The following TTC7B variants were observed in gnomAD, a reference collection of about 807,000 sequenced individuals.
TTC7B encodes the protein tetratricopeptide repeat domain 7B.
A neutral mutation model predicts 106.8 loss-of-function variants in TTC7B; 28 were observed. The ratio of observed to expected loss-of-function variants is 0.26; its 90% CI spans 0.19 to 0.36. The LOEUF is 0.36. Ranked by LOEUF, TTC7B falls within the 10% of genes least tolerant of loss-of-function variation. The pLI is 1.00. For missense variants in TTC7B, 862 were observed against 1,076.4 expected (o/e 0.80, Z 2.79); for synonymous variants, 405 against 430.6 (o/e 0.94, Z 0.74).
chr14:90,584,906 A>G (rs1183925261), intron 18 of TTC7B, among the ~76,000 whole-genome samples: 1 of 152,162 alleles, frequency 6.6e-6, no homozygotes, highest in Non-Finnish European at 1.5e-5. Context: ...AGGGCCAAGC[A>G]GAAAGGGATC....
chr14:90,553,308 C>G (rs1890166741), intron 19 of TTC7B, among the ~76,000 whole-genome samples: 1 of 152,234 alleles, frequency 6.6e-6, no homozygotes, highest in South Asian at 2.1e-4. Flanking sequence ...TTAGGCCTTT[C>G]CAGCATTGAA....
intron 18 of TTC7B, among the ~76,000 whole-genome samples, chr14:90,584,296 C>T (rs1394977602): frequency 2.0e-5 from 3 of 152,250 alleles, no homozygotes; most frequent in African/African-American, 2.4e-5. Context: ...CAGAACCTCA[C>T]GCAGGTCTAG....
At chr14:90,814,508 C>T (rs2031069112) in intron 1 of TTC7B, among the ~76,000 whole-genome samples, 1 of 152,128 alleles carries the variant, frequency 6.6e-6, no homozygotes, top group African/African-American at 2.4e-5. Context: ...GTGACTGGCA[C>T]AGGTGGGCAC....
At position 90,730,074 on chromosome 14, in the gene TTC7B, C is replaced by A; in HGVS notation, c.698+1G>T. ...GATTTAAAAAAATGAAGATGGCTTACCCATTTTTGAAATAGAGGACATGGG... is the reference window on the plus strand; with the variant it reads ...GATTTAAAAAAATGAAGATGGCTTAACCATTTTTGAAATAGAGGACATGGG... On this transcript the variant is annotated splice_donor_variant, in intron 5 of 19. Coordinates refer to ENST00000328459, the MANE Select transcript of TTC7B (RefSeq NM_001010854.2). LOFTEE classifies it high-confidence loss of function. 1 of 1,600,112 alleles carries A rather than the reference C, an allele frequency of 6.2e-7. No individual in the cohort carries two copies. Among genetic ancestry groups the A allele is most frequent in the Non-Finnish European group, 8.5e-7 (1 of 1,176,034 alleles).
intron 3 of TTC7B, among the ~76,000 whole-genome samples, chr14:90,748,825 G>A (rs750829454): frequency 2.0e-5 from 3 of 152,006 alleles, no homozygotes; most frequent in Non-Finnish European, 2.9e-5. Context: ...AAAAATTCTT[G>A]TATATTCACC....
rs1955220315 is a variant in TTC7B, at chr14:90,578,630, G to C, written c.2108-322C>G. On this transcript the variant is annotated intron_variant, in intron 18 of 19. Transcript: ENST00000328459. This position sits in a 1 kb window ranked among gnomAD's most constrained non-coding sequence, Gnocchi z 4.7. ...CCCACCCGGGGCTCCTCAGTGTCTG[G>C]ACAGAGGCTGGCCCGGTCCAACCCT... Among the ~76,000 whole-genome samples, 1 of 151,984 alleles carries C rather than the reference G, an allele frequency of 6.6e-6. No individual in the cohort carries two copies. The highest frequency in any genetic ancestry group is 2.1e-4 in the South Asian group (1 of 4,832).
intron 3 of TTC7B, among the ~76,000 whole-genome samples, chr14:90,773,864 C>T (rs369455102): frequency 1.3e-5 from 2 of 152,138 alleles, no homozygotes; most frequent in African/African-American, 4.8e-5. Context: ...CGGCCTCACA[C>T]GGTCTGGTCC....
intron 15 of TTC7B, among the ~76,000 whole-genome samples, chr14:90,641,662 T>C (rs1885177637): frequency 6.6e-6 from 1 of 152,246 alleles, no homozygotes; most frequent in Non-Finnish European, 1.5e-5. Flanking sequence ...TGCTGCCATA[T>C]GCTTTGCTTT....
intron 17 of TTC7B, among the ~76,000 whole-genome samples, chr14:90,602,813 CAGTT>C (rs546994216): frequency 4.0e-4 from 61 of 151,924 alleles, no homozygotes; most frequent in African/African-American, 1.4e-3. Flanking sequence ...GAAAAATTAA[CAGTT>C]AGAATTGCTC....
In TTC7B at chr14:90,530,674, A is replaced by G. The variant is rs1889262392; in HGVS notation, c.*10694T>C. 6.6e-6 allele frequency: 1 copy of G among 152,286 alleles called. No homozygotes were observed. The highest frequency in any genetic ancestry group is 2.4e-5 in the African/African-American group (1 of 41,472). 9.4% of individuals were successfully genotyped at this position (152,286 alleles called of 1,614,324 possible). ...CGGAGTGATGCCACTGCCGGCAGTG[A>G]ACATGGCCATGAGCCAAGCACACCC... On this transcript the variant is annotated 3_prime_UTR_variant, in exon 20 of 20. Coordinates refer to ENST00000328459, the MANE Select transcript of TTC7B (RefSeq NM_001010854.2).
At chr14:90,777,848 AC>A (rs1236758170) in intron 3 of TTC7B, among the ~76,000 whole-genome samples, 2 of 152,128 alleles carry the variant, frequency 1.3e-5, no homozygotes, top group Admixed American at 6.5e-5. Context: ...CTCAGGGCCC[AC>A]CCAACACTCA....
chr14:90,542,274 G>A (rs919968129), intron 19 of TTC7B, among the ~76,000 whole-genome samples: 2 of 152,102 alleles, frequency 1.3e-5, no homozygotes, highest in Non-Finnish European at 2.9e-5. Context: ...GAAACCATTG[G>A]TGGAATTATA....
At position 90,644,636 on chromosome 14, in the gene TTC7B, C is replaced by T. The variant is rs749114820; in HGVS notation, c.1591-428G>A. 2.7e-4 allele frequency: 43 copies of T among 156,626 alleles called. 1 individual carries two copies. Among genetic ancestry groups the T allele is most frequent in the Admixed American group, 2.5e-3 (41 of 16,180 alleles). The allele number at this position is 156,626 out of a possible 1,614,324, so 9.7% of individuals were successfully genotyped here. A position where few individuals can be genotyped will look rare whatever the true frequency, so the allele number is the denominator to read the frequency against. On this transcript the variant is annotated intron_variant, in intron 14 of 19. Coordinates refer to ENST00000328459, the MANE Select transcript of TTC7B (RefSeq NM_001010854.2). ...TTTTAGTGGAATTAAACTGCCTTAG[C>T]TGAACTGTTCTCATTTTTTCAAGTA... is the stretch of plus-strand genomic sequence containing the variant.
intron 1 of TTC7B, among the ~76,000 whole-genome samples, chr14:90,791,389 T>C (rs1425604813): frequency 1.3e-5 from 2 of 152,122 alleles, no homozygotes; most frequent in African/African-American, 4.8e-5. Context: ...GTGAATTAAT[T>C]AGATGATAGG....
chr14:90,726,759 G>A (rs1384826252), intron 5 of TTC7B, among the ~76,000 whole-genome samples: 2 of 152,338 alleles, frequency 1.3e-5, no homozygotes, highest in East Asian at 3.9e-4. Flanking sequence ...GCCCTCAGAG[G>A]CGGCAATCCT....
intron 9 of TTC7B, among the ~76,000 whole-genome samples, chr14:90,666,240 C>A (rs1245043283): frequency 6.6e-6 from 1 of 152,212 alleles, no homozygotes; most frequent in Admixed American, 6.5e-5. Flanking sequence ...CGGCTCACTG[C>A]AACCTCCACC....
rs60179513 is a variant in TTC7B at position 90,545,612 on chromosome 14, C to A, written c.2311-4023G>T. The stretch of plus-strand genomic sequence containing the variant: ...GAGACCAGGAGGACCAGGGCCTTGG[C>A]CCAGTGGGATGCAGAGGGCTCTGGT... On this transcript the variant is annotated intron_variant, in intron 19 of 19. Transcript: ENST00000328459. 8.2e-4 allele frequency among the ~76,000 whole-genome samples: 125 copies of A among 152,322 alleles called. 2 individuals carry two copies. The highest frequency in any genetic ancestry group is 2.8e-3 in the African/African-American group (118 of 41,572).
At position 90,646,998 on chromosome 14, in the gene TTC7B, G is replaced by A. The variant is rs867559622; in HGVS notation, c.1543C>T (p.His515Tyr). The A allele has an allele frequency of 6.2e-7, 1 of 1,614,190 alleles. No homozygotes were observed. Among genetic ancestry groups the A allele is most frequent in the Non-Finnish European group, 8.5e-7 (1 of 1,180,024 alleles). Residue 515 changes from histidine (H) to tyrosine (Y), a missense_variant, in exon 14 of 20, where the codon CAC (histidine) becomes TAC (tyrosine). Physicochemically the swap from His to Tyr is moderately conservative, Grantham distance 83. Coordinates refer to ENST00000328459, the MANE Select transcript of TTC7B (RefSeq NM_001010854.2). ...QRAHSLSPTD[H>Y]QAAFYLALQL... The stretch of plus-strand genomic sequence containing the variant: ...AGAGCCAGGTAGAAAGCTGCTTGGT[G>A]ATCTGTGGGTGACAGGCTGTGGGCC...
rs977366088 is a variant in TTC7B at position 90,681,373 on chromosome 14, A to T, written c.951-838T>A. The stretch of plus-strand genomic sequence containing the variant: ...CAATAAATAAAAATGAACTTGGTTT[A>T]AAAAAAACTCCTAGATATCTTGAAG... On this transcript the variant is annotated intron_variant, in intron 7 of 19. Coordinates refer to ENST00000328459, the MANE Select transcript of TTC7B (RefSeq NM_001010854.2). 1.6e-4 allele frequency among the ~76,000 whole-genome samples: 24 copies of T among 151,986 alleles called. 1 individual carries two copies. The highest frequency in any genetic ancestry group is 5.3e-4 in the African/African-American group (22 of 41,376).
Sources: gnomAD v4.1 joint callset for allele counts (sites outside exome capture counted in the v4.1 genomes callset) on GRCh38, gnomAD v4.1.1 for gene constraint, Gnocchi (gnomAD v3.1) non-coding constraint, MANE v1.5 for transcripts, NCBI Gene and HGNC (gene_info 2026-07-23, HGNC 2026-07-21) for gene names.